The following LRRC7 variants were observed in gnomAD, a reference collection of about 807,000 sequenced individuals.
LRRC7 encodes leucine-rich repeat-containing protein 7.
In LRRC7, 23 loss-of-function variants were observed where a neutral mutation model predicts 175.7. That is an observed-to-expected ratio of 0.13 (90% CI 0.09 to 0.19). LRRC7 has a LOEUF of 0.19. Ranked by LOEUF, LRRC7 falls within the 10% of genes least tolerant of loss-of-function variation. The pLI is 1.00. For missense variants in LRRC7, 1,354 were observed against 1,904.7 expected, an observed-to-expected ratio of 0.71 and a Z score of 5.38; for synonymous variants, 685 against 680.9, an observed-to-expected ratio of 1.01 and a Z score of -0.09.
chr1:70,036,246 C>A lies in LRRC7; in HGVS notation c.2107+14C>A. 1.3e-6 allele frequency: 2 copies of A among 1,593,524 alleles called. No homozygotes were observed. Among genetic ancestry groups the A allele is most frequent in the Non-Finnish European group, 1.7e-6 (2 of 1,165,806 alleles). ...AGGACAAAAAAGGTAACACTGTGAA[C>A]CCAATGTGGAAAATATGCTACAAAT... On this transcript the variant is annotated intron_variant, in intron 19 of 26. Coordinates refer to ENST00000651989, the MANE Select transcript of LRRC7 (RefSeq NM_001370785.2).
intron 26 of LRRC7, among the ~76,000 whole-genome samples, chr1:70,110,784 A>T (rs1489448051): frequency 4.6e-5 from 7 of 152,220 alleles, no homozygotes; most frequent in Admixed American, 4.6e-4. Flanking sequence ...ACTAATTAAA[A>T]AGCATACATG....
intron 7 of LRRC7, among the ~76,000 whole-genome samples, chr1:69,891,038 A>G (rs1645817750): frequency 6.6e-6 from 1 of 152,200 alleles, no homozygotes; most frequent in African/African-American, 2.4e-5. Flanking sequence ...CTTTCTTATC[A>G]TTCATGTATT....
intron 1 of LRRC7, among the ~76,000 whole-genome samples, chr1:69,643,819 C>A (rs1654598693): frequency 6.6e-6 from 1 of 151,938 alleles, no homozygotes. Flanking sequence ...GGCCAAGTAA[C>A]CCCTCTGCTG....
intron 2 of LRRC7, among the ~76,000 whole-genome samples, chr1:69,717,551 C>T (rs1665514642): frequency 6.6e-6 from 1 of 151,474 alleles, no homozygotes. Flanking sequence ...GACTCTTCAT[C>T]TTAGATTGCC....
rs973380710 is a variant in LRRC7, at chr1:70,129,569, C to T, written c.*7682C>T. The stretch of plus-strand genomic sequence containing the variant: ...CTTGAAAAGAGTCTTCTAGGTTCAG[C>T]GGCCCCAAAAAGTCCCTCCTATGAC... On this transcript the variant is annotated 3_prime_UTR_variant, in exon 27 of 27. Coordinates refer to ENST00000651989, the MANE Select transcript of LRRC7 (RefSeq NM_001370785.2). Among the ~76,000 whole-genome samples the T allele has an allele frequency of 2.6e-4, 39 of 152,102 alleles. No individual in the cohort carries two copies. The highest frequency in any genetic ancestry group is 4.9e-4 in the Non-Finnish European group (33 of 68,024).
chr1:69,885,778 A>G (rs1390937783), intron 7 of LRRC7, among the ~76,000 whole-genome samples: 1 of 141,180 alleles, frequency 7.1e-6, no homozygotes, highest in Non-Finnish European at 1.5e-5. Flanking sequence ...CCCTCTACAC[A>G]CTGCTTTGAA....
chr1:69,689,250 ACAGAAAGGGCTGCAGGAGCT>A (rs1661550293), intron 2 of LRRC7, among the ~76,000 whole-genome samples: 2 of 152,182 alleles, frequency 1.3e-5, no homozygotes, highest in African/African-American at 4.8e-5. Context: ...GTCAGATTTT[ACAGAAAGGGCTGCAGGAGCT>A]CAGAAAGGTT....
intron 1 of LRRC7, among the ~76,000 whole-genome samples, chr1:69,663,700 A>ATTTTTTTTTTTTTTTTTT: frequency 1.5e-5 from 1 of 67,726 alleles, no homozygotes; most frequent in Non-Finnish European, 2.5e-5. Flanking sequence ...AATCGTTTTA[A>ATTTTTTTTTTTTTTTTTT]TTTTTTTTTT....
intron 1 of LRRC7, among the ~76,000 whole-genome samples, chr1:69,633,931 A>C (rs1267763425): frequency 1.3e-5 from 2 of 151,916 alleles, no homozygotes; most frequent in African/African-American, 2.4e-5. Context: ...TTTACATTTA[A>C]TCTTTCCTGT....
chr1:69,964,308 G>A (rs12074727), intron 8 of LRRC7, among the ~76,000 whole-genome samples: 10,698 of 152,060 alleles, frequency 0.07, 789 homozygotes, highest in African/African-American at 0.19. Flanking sequence ...CCTCCTATAT[G>A]GGCTATACTA....
intron 1 of LRRC7, among the ~76,000 whole-genome samples, chr1:69,620,179 AT>A (rs1161845038): frequency 6.6e-6 from 1 of 151,904 alleles, no homozygotes; most frequent in East Asian, 1.9e-4. Context: ...TCTTCTCACT[AT>A]TTTTTTCTTT....
intron 7 of LRRC7, among the ~76,000 whole-genome samples, chr1:69,924,076 T>C (rs1346184356): frequency 2.6e-5 from 4 of 152,222 alleles, no homozygotes; most frequent in Non-Finnish European, 5.9e-5. Flanking sequence ...TCCCCATTTC[T>C]TGTTTTTCTC....
chr1:69,750,099 T>TAAATAAG, intron 2 of LRRC7, among the ~76,000 whole-genome samples: 1 of 46,820 alleles, frequency 2.1e-5, no homozygotes, highest in African/African-American at 8.5e-5. Context: ...TAAATAATAA[T>TAAATAAG]AACTGAAAAG....
At chr1:70,047,413 C>A (rs1330752167) in intron 22 of LRRC7, among the ~76,000 whole-genome samples, 1 of 152,060 alleles carries the variant, frequency 6.6e-6, no homozygotes, top group Non-Finnish European at 1.5e-5. Flanking sequence ...ACATGTATCC[C>A]CACCCTCTCT....
At chr1:69,765,480 A>C (rs1337322185) in intron 3 of LRRC7, among the ~76,000 whole-genome samples, 2 of 152,086 alleles carry the variant, frequency 1.3e-5, no homozygotes, top group Non-Finnish European at 2.9e-5. Context: ...TTCTCTTGCA[A>C]TGGTCACCCA....
intron 1 of LRRC7, chr1:69,608,410 C>A (rs1448791845): frequency 1.3e-5 from 2 of 152,050 alleles, no homozygotes; most frequent in East Asian, 3.9e-4. Context: ...TCTCCAGTCA[C>A]CTATGACTTC....
At chr1:69,900,111 T>C (rs2101665198) in intron 7 of LRRC7, among the ~76,000 whole-genome samples, 1 of 152,334 alleles carries the variant, frequency 6.6e-6, no homozygotes, top group East Asian at 1.9e-4. Context: ...TCCAAATTTG[T>C]AGGCTGTATA....
intron 2 of LRRC7, among the ~76,000 whole-genome samples, chr1:69,756,723 A>G (rs1670475248): frequency 6.6e-6 from 1 of 151,992 alleles, no homozygotes; most frequent in South Asian, 2.1e-4. Flanking sequence ...AAGTGAACAG[A>G]CATTATGCTC....
intron 26 of LRRC7, among the ~76,000 whole-genome samples, chr1:70,114,524 G>A (rs563562261): frequency 1.4e-4 from 21 of 151,878 alleles, no homozygotes; most frequent in Non-Finnish European, 2.8e-4. Context: ...CCGTCTCTAC[G>A]AAAAAAATTA....
Sources: gnomAD v4.1 joint callset for allele counts (sites outside exome capture counted in the v4.1 genomes callset) on GRCh38, gnomAD v4.1.1 for gene constraint, MANE v1.5 for transcripts, NCBI Gene and HGNC (gene_info 2026-07-23, HGNC 2026-07-21) for gene names.